The following RECQL5 variants were observed in gnomAD, a reference collection of about 807,000 sequenced individuals.
RECQL5 encodes ATP-dependent DNA helicase Q5.
Under a neutral mutation model 103.4 loss-of-function variants are expected in RECQL5, and 88 were observed. The observed-to-expected ratio is 0.85, with a 90% CI of 0.72 to 1.02. The LOEUF (loss-of-function observed/expected upper bound fraction) is 1.02, where lower values mean the gene tolerates loss of function less well. Ranked by LOEUF, RECQL5 falls within the 50% of genes least tolerant of loss-of-function variation. The pLI is 0.00. For synonymous variants in RECQL5, 552 were observed against 507.9 expected (o/e 1.09, Z -1.17); for missense variants, 1,232 against 1,284.3 (o/e 0.96, Z 0.62).
intron 7 of RECQL5, among the ~76,000 whole-genome samples, chr17:75,654,494 G>A (rs771936346): frequency 6.6e-6 from 1 of 152,166 alleles, no homozygotes; most frequent in Non-Finnish European, 1.5e-5. Flanking sequence ...TCTCTACAAT[G>A]GAGAACATCC....
At chr17:75,655,245 T>C (rs1445772600) in intron 7 of RECQL5, among the ~76,000 whole-genome samples, 1 of 152,076 alleles carries the variant, frequency 6.6e-6, no homozygotes, top group African/African-American at 2.4e-5. Context: ...CTAATTTTTG[T>C]ATTTTTAGTA....
intron 1 of RECQL5, 69 bp from the exon 2 acceptor site, chr17:75,666,640 C>A: frequency 6.8e-7 from 1 of 1,461,044 alleles, no homozygotes; most frequent in South Asian, 1.2e-5. Context: ...ATTAAAAATA[C>A]AGATTATTTT....
intron 7 of RECQL5, 42 bp downstream of exon 7, chr17:75,658,256 T>C: frequency 1.9e-6 from 3 of 1,588,214 alleles, no homozygotes; most frequent in Non-Finnish European, 2.6e-6. Context: ...AACTGGAGAG[T>C]GGTGGGTCAG....
chr17:75,662,136 G>C (rs2059708040), intron 4 of RECQL5, among the ~76,000 whole-genome samples: 1 of 152,124 alleles, frequency 6.6e-6, no homozygotes, highest in African/African-American at 2.4e-5. Flanking sequence ...ACTCCAGCCT[G>C]GGCAACAAGA....
rs1216501702 is a variant in RECQL5, at chr17:75,629,148, T to A, written c.2275A>T (p.Lys759Ter). Residue 759 changes from lysine to a stop codon, truncating the protein, a stop_gained, in exon 16 of 20, where the codon AAG becomes TAG. Transcript: ENST00000317905. LOFTEE classifies it high-confidence loss of function. ...AAGCGGGCGATGCTCTGAGAATCCT[T>A]GTGGGCCGCTGTGGCTAGGAGCTGC... ...KQQLLATAAH[K>*]DSQSIARFFC... The A allele has an allele frequency of 6.2e-7, 1 of 1,613,710 alleles. No homozygotes were observed. The highest frequency in any genetic ancestry group is 1.3e-5 in the African/African-American group (1 of 74,938).
In RECQL5 at chr17:75,629,802, T is replaced by C. The variant is rs947248832; in HGVS notation, c.1853A>G (p.Tyr618Cys). 6.2e-6 allele frequency: 10 copies of C among 1,613,248 alleles called. No individual in the cohort carries two copies. Among genetic ancestry groups the C allele is most frequent in the South Asian group, 2.2e-5 (2 of 91,046 alleles). The part of the protein sequence containing the change: ...IHRASKDGQP[Y>C]DMGGSAKSCS... ...GCTCTTGGCACTGCCTCCCATGTCA[T>C]AGGGCTGCCCATCCTTGGAGGCTCT... is the stretch of plus-strand genomic sequence containing the variant. The change falls in exon 15 of 20, where the codon TAT becomes TGT. Residue 618 changes from tyrosine to cysteine, a missense_variant. Transcript: ENST00000317905.
chr17:75,628,969 AG>A lies in RECQL5; in HGVS notation c.2453del (p.Pro818LeufsTer63). ...EDGAGGHSPA[P>X]PQTEECLRER... is the part of the protein sequence containing the mutation. ...CCCTGAGGCACTCCTCAGTCTGGGG[AG>A]GGGCAGGCGAATGTCCCCCGGCTCC... On this transcript the variant is annotated frameshift_variant, in exon 16 of 20. Coordinates refer to ENST00000317905, the MANE Select transcript of RECQL5 (RefSeq NM_004259.7). LOFTEE classifies it high-confidence loss of function. The A allele has an allele frequency of 6.4e-7, 1 of 1,566,840 alleles. No homozygotes were observed. Among genetic ancestry groups the A allele is most frequent in the Non-Finnish European group, 8.6e-7 (1 of 1,159,940 alleles).
chr17:75,647,315 T>A (rs918934101), intron 8 of RECQL5: 10 of 1,453,558 alleles, frequency 6.9e-6, no homozygotes, highest in Non-Finnish European at 9.3e-7. Context: ...GCATAGCACC[T>A]GGGACAGGGC....
chr17:75,641,632 C>G (rs1164151476), intron 8 of RECQL5, among the ~76,000 whole-genome samples: 1 of 152,268 alleles, frequency 6.6e-6, no homozygotes. Context: ...GGCTGAGGCA[C>G]TACTCTGCAG....
At position 75,628,699 on chromosome 17, in the gene RECQL5, C is replaced by A; in HGVS notation, c.2553G>T (p.Trp851Cys). ...EVQPTPAKDTWKGKRPRSQQE... is the reference protein window; with the variant it reads ...EVQPTPAKDTCKGKRPRSQQE... Reference sequence around the variant, plus strand: ...GCTGGGATCGAGGCCGCTTGCCCTTCCATGTGTCCTTTGCAGGGGTGGGCT... The same window carrying A: ...GCTGGGATCGAGGCCGCTTGCCCTTACATGTGTCCTTTGCAGGGGTGGGCT... Residue 851 changes from tryptophan to cysteine, a missense_variant, in exon 17 of 20, where the codon TGG becomes TGT. By Grantham distance (215) the Trp-to-Cys change is radical. Transcript: ENST00000317905. 6.3e-7 allele frequency: 1 copy of A among 1,590,432 alleles called. No individual in the cohort carries two copies. The highest frequency in any genetic ancestry group is 8.5e-7 in the Non-Finnish European group (1 of 1,174,214).
chr17:75,655,185 C>G (rs1231136300), intron 7 of RECQL5, among the ~76,000 whole-genome samples: 1 of 152,196 alleles, frequency 6.6e-6, no homozygotes, highest in Admixed American at 6.5e-5. Context: ...GATTTTCCTA[C>G]TTCAGCCTCC....
At chr17:75,642,458 C>T (rs964951754) in intron 8 of RECQL5, among the ~76,000 whole-genome samples, 2 of 152,192 alleles carry the variant, frequency 1.3e-5, no homozygotes, top group Non-Finnish European at 2.9e-5. Context: ...CAATAGCAGG[C>T]AGGGAGGGGA....
At chr17:75,642,586 A>G (rs1321030873) in intron 8 of RECQL5, among the ~76,000 whole-genome samples, 1 of 151,512 alleles carries the variant, frequency 6.6e-6, no homozygotes. Flanking sequence ...AAATTTGTCC[A>G]TTCTCAGCCC....
Position 75,628,966 on chromosome 17 carries a change from G to T in RECQL5, c.2457C>A (p.Pro819=), listed in dbSNP as rs2059156369. 1 of 1,568,024 alleles carries T rather than the reference G, an allele frequency of 6.4e-7. No individual in the cohort carries two copies. The highest frequency in any genetic ancestry group is 1.4e-5 in the African/African-American group (1 of 72,636). ...DGAGGHSPAP[P]QTEECLRERP... is the part of the protein sequence containing the mutation. ...TCTCCCTGAGGCACTCCTCAGTCTGGGGAGGGGCAGGCGAATGTCCCCCGG... is the reference window on the plus strand; with the variant it reads ...TCTCCCTGAGGCACTCCTCAGTCTGTGGAGGGGCAGGCGAATGTCCCCCGG... The change falls in exon 16 of 20, where the codon CCC becomes CCA. Residue 819 remains proline (P), a synonymous_variant. Transcript: ENST00000317905.
intron 13 of RECQL5, 111 bp from the exon 14 acceptor site, chr17:75,630,388 T>C: frequency 9.7e-7 from 1 of 1,031,552 alleles, no homozygotes. Context: ...ACAGGGATTC[T>C]GATTAGGGCT....
chr17:75,661,752 G>A, intron 4 of RECQL5, 44 bp from the exon 5 acceptor site: 1 of 1,431,232 alleles, frequency 7.0e-7, no homozygotes, highest in South Asian at 1.1e-5. Flanking sequence ...AGCAAGAACA[G>A]AACAATAGGC....
In RECQL5 at chr17:75,630,229, C is replaced by T; in HGVS notation, c.1767G>A (p.Arg589=). Residue 589 remains arginine, a synonymous_variant, in exon 14 of 20, where the codon CGG becomes CGA. Coordinates refer to ENST00000317905, the MANE Select transcript of RECQL5 (RefSeq NM_004259.7). ...TGTAGAGGTTGGCCACCTTGGCGTT[C>T]CGGAATGTCTCATGTTCCAGCTCCA... ...KAVELEHETF[R]NAKVANLYKA... 6.4e-7 allele frequency: 1 copy of T among 1,561,092 alleles called. No individual in the cohort carries two copies. The highest frequency in any genetic ancestry group is 8.7e-7 in the Non-Finnish European group (1 of 1,151,716).
chr17:75,662,449 A>G, intron 4 of RECQL5, 30 bp downstream of exon 4: 2 of 1,601,712 alleles, frequency 1.2e-6, no homozygotes, highest in Non-Finnish European at 1.7e-6. Context: ...CTGCTCTAAC[A>G]GCTGCTTGGC....
chr17:75,662,370 G>A, intron 4 of RECQL5, 109 bp downstream of exon 4: 2 of 1,192,826 alleles, frequency 1.7e-6, no homozygotes, highest in South Asian at 1.5e-5. Context: ...GTTTTAGGAA[G>A]CCTGGCTGAG....
Sources: allele counts gnomAD v4.1 joint callset (sites outside exome capture counted in the v4.1 genomes callset), GRCh38; gene constraint gnomAD v4.1.1; transcripts MANE v1.5; gene names NCBI Gene and HGNC (gene_info 2026-07-23, HGNC 2026-07-21).